USH2A: variants seen among roughly 807,000 people sequenced by gnomAD.
USH2A encodes the protein Usher syndrome 2A (autosomal recessive, mild).
In USH2A, 443 loss-of-function variants were observed where a neutral mutation model predicts 538.9. The observed-to-expected ratio is 0.82, with a 90% CI of 0.76 to 0.89. The LOEUF (loss-of-function observed/expected upper bound fraction) is 0.89. Ranked by LOEUF, USH2A falls within the 40% of genes least tolerant of loss-of-function variation. The pLI, the probability that USH2A is intolerant of heterozygous loss-of-function variation, is 0.00. For missense variants in USH2A, 6,633 were observed against 6,324.8 expected (o/e 1.05, Z -1.65); for synonymous variants, 2,413 against 2,273.5 (o/e 1.06, Z -1.75).
At chr1:216,049,648 T>C (rs1345980372) in intron 30 of USH2A, among the ~76,000 whole-genome samples, 1 of 152,186 alleles carries the variant, frequency 6.6e-6, no homozygotes, top group African/African-American at 2.4e-5. Flanking sequence ...GGTGCCAATT[T>C]TGATGACAGC....
intron 70 of USH2A, among the ~76,000 whole-genome samples, chr1:215,631,630 A>G (rs1428586801): frequency 1.3e-5 from 2 of 152,138 alleles, no homozygotes; most frequent in African/African-American, 4.8e-5. Context: ...TGTATCCCAG[A>G]TTTCACTTCT....
At chr1:216,125,754 C>T (rs534629308) in intron 21 of USH2A, among the ~76,000 whole-genome samples, 3 of 152,144 alleles carry the variant, frequency 2.0e-5, no homozygotes, top group African/African-American at 4.8e-5. Flanking sequence ...GAAGTTCTCA[C>T]GACCAACAGA....
At chr1:216,281,761 A>G (rs1021368568) in intron 11 of USH2A, among the ~76,000 whole-genome samples, 2 of 151,894 alleles carry the variant, frequency 1.3e-5, no homozygotes, top group Non-Finnish European at 2.9e-5. Context: ...ATTTTGAGAA[A>G]CACTAAGCCA....
At chr1:215,627,336 G>C (rs1293454782) in intron 71 of USH2A, among the ~76,000 whole-genome samples, 1 of 151,848 alleles carries the variant, frequency 6.6e-6, no homozygotes, top group East Asian at 1.9e-4. Flanking sequence ...TTCCTAGCTG[G>C]TTATGTTTCT....
At chr1:215,877,907 C>T (rs1169295144) in intron 42 of USH2A, 27 bp from the exon 43 acceptor site, 6 of 1,613,154 alleles carry the variant, frequency 3.7e-6, no homozygotes, top group Non-Finnish European at 5.1e-6. Context: ...GCAGGAACAT[C>T]AGGATTATCT....
intron 32 of USH2A, among the ~76,000 whole-genome samples, chr1:216,042,165 A>T (rs1308901996): frequency 6.6e-6 from 1 of 152,068 alleles, no homozygotes. Flanking sequence ...TAATGATAGG[A>T]TATAGTCATA....
chr1:216,200,146 A>C (rs202183481), intron 16 of USH2A, 25 bp from the exon 17 acceptor site: 1 of 1,598,976 alleles, frequency 6.3e-7, no homozygotes, highest in East Asian at 2.2e-5. Context: ...AAAAAAAAAA[A>C]CAAAGTTACA....
At chr1:215,980,407 A>G (rs1667723325) in intron 35 of USH2A, among the ~76,000 whole-genome samples, 1 of 152,152 alleles carries the variant, frequency 6.6e-6, no homozygotes, top group African/African-American at 2.4e-5. Context: ...CCATATACCT[A>G]TTCTTTCTAC....
rs1658176394 is a variant in USH2A at position 215,680,132 on chromosome 1, T to G, written c.12294+17A>C. On this transcript the variant is annotated intron_variant, in intron 62 of 71. Transcript: ENST00000307340. ...GGAGAACACCAAACATAATTTCTTA[T>G]GCAGGGTAGACATTACCTTAATCAC... 1 of 1,611,250 alleles carries G rather than the reference T, an allele frequency of 6.2e-7. No homozygotes were observed. Among genetic ancestry groups the G allele is most frequent in the Non-Finnish European group, 8.5e-7 (1 of 1,177,362 alleles).
At chr1:216,218,920 TC>T (rs1406999561) in intron 14 of USH2A, among the ~76,000 whole-genome samples, 6 of 151,968 alleles carry the variant, frequency 3.9e-5, no homozygotes, top group Admixed American at 6.6e-5. Flanking sequence ...TTATGTAGAG[TC>T]TATTGTTTAT....
At chr1:215,636,956 T>A (rs1656512986) in intron 69 of USH2A, among the ~76,000 whole-genome samples, 2 of 152,094 alleles carry the variant, frequency 1.3e-5, no homozygotes, top group Admixed American at 6.5e-5. Flanking sequence ...GGATTTCTCC[T>A]TTTTATGAAG....
Position 216,280,814 on chromosome 1 carries a change from G to A in USH2A, c.1971+8466C>T, listed in dbSNP as rs375041271. On this transcript the variant is annotated intron_variant, in intron 11 of 71. Transcript: ENST00000307340. ...AAAGTTCCCTTCCAGAACATAGAGC[G>A]CACGACACAGTCACTCAGGCCATTT... Among the ~76,000 whole-genome samples the A allele has an allele frequency of 6.8e-4, 103 of 152,260 alleles. 2 individuals carry two copies. In the South Asian group the frequency reaches 0.017, roughly 25 times the overall value.
intron 14 of USH2A, among the ~76,000 whole-genome samples, chr1:216,218,237 A>G (rs544277085): frequency 6.6e-6 from 1 of 152,282 alleles, no homozygotes; most frequent in African/African-American, 2.4e-5. Context: ...CTTTAGTGCA[A>G]CTTAAATTTC....
intron 4 of USH2A, 59 bp from the exon 5 acceptor site, chr1:216,327,713 C>T: frequency 6.3e-7 from 1 of 1,588,382 alleles, no homozygotes; most frequent in Non-Finnish European, 8.6e-7. Flanking sequence ...CAATACCTGA[C>T]AAGTATTTAA....
chr1:215,864,075 A>G (rs764920566), intron 44 of USH2A, among the ~76,000 whole-genome samples: 23 of 152,200 alleles, frequency 1.5e-4, no homozygotes, highest in Non-Finnish European at 2.6e-4. Context: ...AGGAGGCACT[A>G]TCTCTCCACT....
At chr1:215,647,138 G>A (rs1014721489) in intron 67 of USH2A, among the ~76,000 whole-genome samples, 1 of 152,118 alleles carries the variant, frequency 6.6e-6, no homozygotes, top group Non-Finnish European at 1.5e-5. Context: ...TTTCCTAATA[G>A]TGCTATGTCT....
chr1:216,404,303 A>C (rs73102504), intron 3 of USH2A, among the ~76,000 whole-genome samples: 9,440 of 152,184 alleles, frequency 0.062, 772 homozygotes, highest in African/African-American at 0.19. Flanking sequence ...CTTATTGTGA[A>C]ATTTATATGG....
intron 37 of USH2A, among the ~76,000 whole-genome samples, chr1:215,964,140 G>T (rs757182219): frequency 6.6e-6 from 1 of 152,098 alleles, no homozygotes; most frequent in Admixed American, 6.6e-5. Context: ...GATTAAACAC[G>T]AGGGGGAATA....
intron 4 of USH2A, among the ~76,000 whole-genome samples, chr1:216,349,535 C>G (rs114869093): frequency 6.6e-6 from 1 of 152,130 alleles, no homozygotes; most frequent in East Asian, 1.9e-4. Flanking sequence ...CTAAAACCCA[C>G]GAAAACCAAT....
Sources: allele counts gnomAD v4.1 joint callset (sites outside exome capture counted in the v4.1 genomes callset), GRCh38; gene constraint gnomAD v4.1.1; transcripts MANE v1.5; gene names NCBI Gene and HGNC (gene_info 2026-07-23, HGNC 2026-07-21).